The following KANK1 variants were observed in gnomAD, a reference collection of about 807,000 sequenced individuals.
KANK1 encodes the protein KN motif and ankyrin repeat domain-containing protein 1.
A neutral mutation model predicts 106.2 loss-of-function variants in KANK1; 109 were observed. The observed-to-expected ratio is 1.03, with a 90% CI of 0.88 to 1.20. KANK1 has a LOEUF of 1.20. Among genes scored for constraint, KANK1 ranks in the 50% most tolerant of loss-of-function variants. The pLI, the probability that KANK1 is intolerant of heterozygous loss-of-function variation, is 0.00. For synonymous variants in KANK1, 873 were observed against 652.2 expected (o/e 1.34, Z -5.16); for missense variants, 2,399 against 1,710.7 (o/e 1.40, Z -7.10).
At chr9:582,074 T>G (rs185366334) in intron 1 of KANK1, among the ~76,000 whole-genome samples, 32 of 152,152 alleles carry the variant, frequency 2.1e-4, no homozygotes, top group African/African-American at 7.0e-4. Flanking sequence ...TGCCCCAGAG[T>G]TGGTAACTGC....
chr9:673,138 C>A (rs566170152), intron 1 of KANK1, among the ~76,000 whole-genome samples: 1 of 150,052 alleles, frequency 6.7e-6, no homozygotes, highest in Non-Finnish European at 1.5e-5. Flanking sequence ...AATCAATACA[C>A]AATATACAAC....
chr9:698,211 T>C (rs139700935), intron 2 of KANK1, among the ~76,000 whole-genome samples: 564 of 152,304 alleles, frequency 3.7e-3, no homozygotes, highest in African/African-American at 0.012. Flanking sequence ...TTGTTGGCTG[T>C]CAGGGTCGGT....
At chr9:538,045 T>G (rs1022047276) in intron 1 of KANK1, among the ~76,000 whole-genome samples, 1 of 152,142 alleles carries the variant, frequency 6.6e-6, no homozygotes, top group African/African-American at 2.4e-5. Flanking sequence ...TCCTTTTTTT[T>G]TTCTGTCTTG....
At chr9:520,071 C>G (rs1483804712) in intron 1 of KANK1, among the ~76,000 whole-genome samples, 4 of 151,776 alleles carry the variant, frequency 2.6e-5, no homozygotes, top group Non-Finnish European at 5.9e-5. Context: ...GGTGCGGTGG[C>G]TCACACCTGT....
At chr9:631,621 C>T (rs1023455291) in intron 1 of KANK1, among the ~76,000 whole-genome samples, 1 of 152,188 alleles carries the variant, frequency 6.6e-6, no homozygotes. Flanking sequence ...GAAAACTAAC[C>T]CAATATGGTG....
intron 1 of KANK1, among the ~76,000 whole-genome samples, chr9:569,367 GAATGGATTAATCCATTCATGGATT>G (rs1228720757): frequency 6.6e-6 from 1 of 152,082 alleles, no homozygotes; most frequent in African/African-American, 2.4e-5. Flanking sequence ...CTGCCCTCAT[GAATGGATTAATCCATTCATGGATT>G]AATGGATTAA....
At chr9:631,059 G>T (rs919234838) in intron 1 of KANK1, among the ~76,000 whole-genome samples, 1 of 152,122 alleles carries the variant, frequency 6.6e-6, no homozygotes, top group African/African-American at 2.4e-5. Flanking sequence ...TATGTATCTT[G>T]GTATAAGCAG....
At chr9:550,315 CA>C in intron 1 of KANK1, among the ~76,000 whole-genome samples, 1 of 151,950 alleles carries the variant, frequency 6.6e-6, no homozygotes, top group East Asian at 1.9e-4. Flanking sequence ...TGTTTATTAC[CA>C]AAAAAACCTC....
intron 1 of KANK1, among the ~76,000 whole-genome samples, chr9:579,992 T>A (rs1821614549): frequency 6.6e-6 from 1 of 152,154 alleles, no homozygotes; most frequent in African/African-American, 2.4e-5. Context: ...GGGTTCTTGG[T>A]CTCACAGACT....
rs755890578 is a variant in KANK1 at position 712,043 on chromosome 9, C to T, written c.1277C>T (p.Ala426Val). The change falls in exon 3 of 12, where the codon GCT (alanine) becomes GTT (valine). Residue 426 changes from alanine to valine, a missense_variant. Transcript: ENST00000382297. ...GGCTCCAGGTCCTGTAAGGATGCAG[C>T]TGTAGGGACACTTGTTGAGATGAGA... is the stretch of plus-strand genomic sequence containing the variant. ...HRGSRSCKDAAVGTLVEMRNC... is the reference protein window; with the variant it reads ...HRGSRSCKDAVVGTLVEMRNC... 7.4e-6 allele frequency: 12 copies of T among 1,614,116 alleles called. No homozygotes were observed. Among genetic ancestry groups the T allele is most frequent in the South Asian group, 2.2e-5 (2 of 91,070 alleles).
chr9:650,752 G>A (rs892808335), intron 1 of KANK1, among the ~76,000 whole-genome samples: 1 of 150,710 alleles, frequency 6.6e-6, no homozygotes, highest in Non-Finnish European at 1.5e-5. Flanking sequence ...CAGTCTTAAG[G>A]TATCCCTAAC....
At position 649,888 on chromosome 9, in the gene KANK1, C is replaced by G. The variant is rs534263613; in HGVS notation, c.-83-27002C>G. On this transcript the variant is annotated intron_variant, in intron 1 of 11. Transcript: ENST00000382297. ...GTTGCGATGCAGCTTGAAAGGATGGCTCTACATTGCAGCTTCTCTGCGTCA... is the reference window on the plus strand; with the variant it reads ...GTTGCGATGCAGCTTGAAAGGATGGGTCTACATTGCAGCTTCTCTGCGTCA... 1.6e-3 allele frequency among the ~76,000 whole-genome samples: 246 copies of G among 152,276 alleles called. 2 individuals are homozygous for G. Among genetic ancestry groups the G allele is most frequent in the African/African-American group, 5.7e-3 (236 of 41,538 alleles).
chr9:674,710 T>C (rs1175319591), intron 1 of KANK1, among the ~76,000 whole-genome samples: 4 of 152,198 alleles, frequency 2.6e-5, no homozygotes, highest in Non-Finnish European at 4.4e-5. Context: ...TCTAAATTTT[T>C]AGTTTTGTTT....
At position 711,843 on chromosome 9, in the gene KANK1, G is replaced by C. The variant is rs1177285374; in HGVS notation, c.1077G>C (p.Gln359His). 2 of 1,614,176 alleles carry C rather than the reference G, an allele frequency of 1.2e-6. No individual in the cohort carries two copies. ...YEEEEMETVE[Q>H]STQRIKEFRQ... ...AGGAAGAAATGGAGACCGTAGAACA[G>C]AGCACGCAGAGGATAAAGGAGTTCC... The change falls in exon 3 of 12, where the codon CAG (glutamine) becomes CAC (histidine). Residue 359 changes from glutamine to histidine, a missense_variant. By Grantham distance (24) the Gln-to-His change is conservative. Transcript: ENST00000382297.
In KANK1 at chr9:734,748, G is replaced by A. The variant is rs1475749089; in HGVS notation, c.3246G>A (p.Arg1082=). 1.3e-6 allele frequency: 2 copies of A among 1,598,110 alleles called. No homozygotes were observed. The highest frequency in any genetic ancestry group is 1.3e-5 in the African/African-American group (1 of 74,638). Residue 1082 remains arginine, a splice_region_variant and synonymous_variant, in exon 7 of 12, where the codon AGG becomes AGA. Coordinates refer to ENST00000382297, the MANE Select transcript of KANK1 (RefSeq NM_015158.5). ...CEPEKVEIRE[R]YELSEKMLSA... Reference sequence around the variant, plus strand: ...CGTAACTTGTTTTTTCTCCTTTCAGGTATGAATTAAGTGAAAAGATGTTGT... The same window carrying A: ...CGTAACTTGTTTTTTCTCCTTTCAGATATGAATTAAGTGAAAAGATGTTGT...
chr9:623,905 A>G (rs1833767213), intron 1 of KANK1, among the ~76,000 whole-genome samples: 2 of 152,192 alleles, frequency 1.3e-5, no homozygotes, highest in African/African-American at 4.8e-5. Context: ...TCAAATTAGT[A>G]TGTCAAAGAG....
At chr9:725,489 T>C (rs987364981) in intron 3 of KANK1, among the ~76,000 whole-genome samples, 11 of 114,040 alleles carry the variant, frequency 9.6e-5, no homozygotes, top group African/African-American at 3.8e-4. Flanking sequence ...AGAGCAAGAC[T>C]CTGTCTCAAA....
At chr9:731,329 C>G in intron 5 of KANK1, 63 bp downstream of exon 5, 5 of 992,534 alleles carry the variant, frequency 5.0e-6, no homozygotes. Context: ...CTGCCTAAGT[C>G]ACATTTCAAG....
rs904094421 is a variant in KANK1, at chr9:746,063, G to A, written c.*828G>A. On this transcript the variant is annotated 3_prime_UTR_variant, in exon 12 of 12. Transcript: ENST00000382297. ...GTATTTAAATGTTTGAAGTGCCTTA[G>A]ACTCTTGCCATATTTTCAAAATAAA... 28 of 152,570 alleles carry A rather than the reference G, an allele frequency of 1.8e-4. No homozygotes were observed. The highest frequency in any genetic ancestry group is 6.5e-4 in the African/African-American group (27 of 41,396). The allele number at this position is 152,570 out of a possible 1,614,324, so 9.5% of individuals were successfully genotyped here.
Sources: allele counts gnomAD v4.1 joint callset (sites outside exome capture counted in the v4.1 genomes callset), GRCh38; gene constraint gnomAD v4.1.1; transcripts MANE v1.5; gene names NCBI Gene and HGNC (gene_info 2026-07-23, HGNC 2026-07-21).